Variants in ARF6 observed in about 807,000 individuals in gnomAD.
ARF6 encodes the protein ARF GTPase 6.
For synonymous variants in ARF6, 127 were observed against 95.5 expected (o/e 1.33, Z -1.92); for missense variants, 75 against 232.0 (o/e 0.32, Z 4.40).
chr14:49,893,565 C>A lies in ARF6; in HGVS notation c.-172C>A. 5.4e-6 allele frequency: 4 copies of A among 734,688 alleles called. No homozygotes were observed. Among genetic ancestry groups the A allele is most frequent in the South Asian group, 3.8e-5 (2 of 52,936 alleles). The allele number at this position is 734,688 out of a possible 1,614,324, so 45.5% of individuals were successfully genotyped here. On this transcript the variant is annotated 5_prime_UTR_variant, in exon 2 of 2. Transcript: ENST00000298316. ...AAATCAAGTTGTGCGGTCGGTGATGCCCGAGTGAGCGGGGGGCCTGGGCCT... is the reference window on the plus strand; with the variant it reads ...AAATCAAGTTGTGCGGTCGGTGATGACCGAGTGAGCGGGGGGCCTGGGCCT...
In ARF6 at chr14:49,894,293, G is replaced by C; in HGVS notation, c.*29G>C. ...GCATTCTCCACCCATCCCCTGGAAGGAGAGAAATCAAAAACCCATTCATAG... is the reference window on the plus strand; with the variant it reads ...GCATTCTCCACCCATCCCCTGGAAGCAGAGAAATCAAAAACCCATTCATAG... On this transcript the variant is annotated 3_prime_UTR_variant, in exon 2 of 2. Coordinates refer to ENST00000298316, the MANE Select transcript of ARF6 (RefSeq NM_001663.4). 1 of 1,562,276 alleles carries C rather than the reference G, an allele frequency of 6.4e-7. No homozygotes were observed. The highest frequency in any genetic ancestry group is 8.7e-7 in the Non-Finnish European group (1 of 1,151,368).
In ARF6 at chr14:49,893,391, C is replaced by T. The variant is rs886674598; in HGVS notation, c.-346C>T. 6 of 191,896 alleles carry T rather than the reference C, an allele frequency of 3.1e-5. No homozygotes were observed. The highest frequency in any genetic ancestry group is 4.2e-5 in the Non-Finnish European group (4 of 96,110). The allele number at this position is 191,896 out of a possible 1,614,324, so 11.9% of individuals were successfully genotyped here. A position where few individuals can be genotyped will look rare whatever the true frequency, so the allele number is the denominator to read the frequency against. On this transcript the variant is annotated 5_prime_UTR_variant, in exon 2 of 2. Transcript: ENST00000298316. ...CGGGCCGGAGGGCTGCAGTCTCCCT[C>T]GCGGTGAGAGGAAGGCGGAGGAGCG... is the stretch of plus-strand genomic sequence containing the variant.
In ARF6 at chr14:49,894,265, T is replaced by A; in HGVS notation, c.*1T>A. On this transcript the variant is annotated 3_prime_UTR_variant, in exon 2 of 2. Coordinates refer to ENST00000298316, the MANE Select transcript of ARF6 (RefSeq NM_001663.4). ...GTTAACCTCTAACTACAAATCTTAA[T>A]GAGCATTCTCCACCCATCCCCTGGA... The A allele has an allele frequency of 6.2e-7, 1 of 1,602,566 alleles. No individual in the cohort carries two copies. The highest frequency in any genetic ancestry group is 1.1e-5 in the South Asian group (1 of 90,786).
At position 49,894,273 on chromosome 14, in the gene ARF6, C is replaced by T. The variant is rs373061714; in HGVS notation, c.*9C>T. On this transcript the variant is annotated 3_prime_UTR_variant, in exon 2 of 2. Coordinates refer to ENST00000298316, the MANE Select transcript of ARF6 (RefSeq NM_001663.4). ...CTAACTACAAATCTTAATGAGCATTCTCCACCCATCCCCTGGAAGGAGAGA... is the reference window on the plus strand; with the variant it reads ...CTAACTACAAATCTTAATGAGCATTTTCCACCCATCCCCTGGAAGGAGAGA... 5.1e-5 allele frequency: 82 copies of T among 1,595,708 alleles called. No homozygotes were observed. The African/African-American group carries it at 9.1e-4, about 18-fold the overall frequency.
rs1303323588 is a variant in ARF6 at position 49,894,476 on chromosome 14, G to A, written c.*212G>A. The A allele has an allele frequency of 3.2e-6, 1 of 309,416 alleles. No individual in the cohort carries two copies. The highest frequency in any genetic ancestry group is 5.4e-6 in the Non-Finnish European group (1 of 186,798). The allele number at this position is 309,416 out of a possible 1,614,324, so 19.2% of individuals were successfully genotyped here. Reference sequence around the variant, plus strand: ...TCCTTTTTTTTTTTTTTTTTTTTTTGTTGGCTTTGCGTTAGGATGCTCTGA... The same window carrying A: ...TCCTTTTTTTTTTTTTTTTTTTTTTATTGGCTTTGCGTTAGGATGCTCTGA... On this transcript the variant is annotated 3_prime_UTR_variant, in exon 2 of 2. Transcript: ENST00000298316.
Position 49,893,103 on chromosome 14 carries a change from C to CTGGGAGGAGGAG in ARF6, c.-534_-523dup, listed in dbSNP as rs1894468291. The CTGGGAGGAGGAG allele has an allele frequency of 6.5e-6, 1 of 153,088 alleles. No individual in the cohort carries two copies. Among genetic ancestry groups the CTGGGAGGAGGAG allele is most frequent in the South Asian group, 2.1e-4 (1 of 4,878 alleles). The allele number at this position is 153,088 out of a possible 1,614,324, so 9.5% of individuals were successfully genotyped here. On this transcript the variant is annotated 5_prime_UTR_variant, in exon 1 of 2. Transcript: ENST00000298316. ...TTTTCCGGCAGCGGCGGCGGCAGAA[C>CTGGGAGGAGGAG]TGGGAGGAGGAGTTGGAGGCCGGAG... is the stretch of plus-strand genomic sequence containing the variant.
rs1203017260 is a variant in ARF6, at chr14:49,893,742, G to A, written c.6G>A (p.Gly2=). Reference sequence around the variant, plus strand: ...GCCCCGGCTCCTCCGACGCGATGGGGAAGGTGCTATCCAAAATCTTCGGGA... The same window carrying A: ...GCCCCGGCTCCTCCGACGCGATGGGAAAGGTGCTATCCAAAATCTTCGGGA... M[G]KVLSKIFGNK... The change falls in exon 2 of 2, where the codon GGG becomes GGA. Residue 2 remains glycine (G), a synonymous_variant. Coordinates refer to ENST00000298316, the MANE Select transcript of ARF6 (RefSeq NM_001663.4). The A allele has an allele frequency of 1.2e-6, 2 of 1,611,774 alleles. No homozygotes were observed. The highest frequency in any genetic ancestry group is 3.3e-4 in the Middle Eastern group (2 of 6,046).
At position 49,894,343 on chromosome 14, in the gene ARF6, C is replaced by A. The variant is rs548311221; in HGVS notation, c.*79C>A. On this transcript the variant is annotated 3_prime_UTR_variant, in exon 2 of 2. Transcript: ENST00000298316. ...GGATTATCGCCACCATCACCTCTTT[C>A]AATTGCCACTTTCTCTTCTTTTGAA... 2.2e-6 allele frequency: 3 copies of A among 1,367,704 alleles called. No individual in the cohort carries two copies. The highest frequency in any genetic ancestry group is 3.0e-6 in the Non-Finnish European group (3 of 1,016,170). The allele number at this position is 1,367,704 out of a possible 1,614,324, so 84.7% of individuals were successfully genotyped here.
chr14:49,893,717 G>C lies in ARF6; in HGVS notation c.-20G>C, dbSNP rs1280607927. 1.2e-5 allele frequency: 20 copies of C among 1,604,402 alleles called. No homozygotes were observed. The highest frequency in any genetic ancestry group is 2.7e-5 in the African/African-American group (2 of 74,774). On this transcript the variant is annotated 5_prime_UTR_variant, in exon 2 of 2. Coordinates refer to ENST00000298316, the MANE Select transcript of ARF6 (RefSeq NM_001663.4). ...GACCCGGGACACCTGAATGCCCCCG[G>C]CCCCGGCTCCTCCGACGCGATGGGG...
rs1261685973 is a variant in ARF6, at chr14:49,895,105, A to AAGTT, written c.*844_*847dup. The AAGTT allele has an allele frequency of 6.0e-6, 1 of 167,056 alleles. No individual in the cohort carries two copies. The highest frequency in any genetic ancestry group is 1.5e-5 in the Non-Finnish European group (1 of 68,126). 10.3% of individuals were successfully genotyped at this position (167,056 alleles called of 1,614,324 possible). Reference sequence around the variant, plus strand: ...AAGGACACTTTTTCTTTCCACTGCAAAGTTAGCCACTTTGCTGTTTTTCCT... The same window carrying AAGTT: ...AAGGACACTTTTTCTTTCCACTGCAAAGTTAGTTAGCCACTTTGCTGTTTTTCCT... On this transcript the variant is annotated 3_prime_UTR_variant, in exon 2 of 2. Coordinates refer to ENST00000298316, the MANE Select transcript of ARF6 (RefSeq NM_001663.4).
At position 49,894,315 on chromosome 14, in the gene ARF6, A is replaced by C. The variant is rs774416954; in HGVS notation, c.*51A>C. On this transcript the variant is annotated 3_prime_UTR_variant, in exon 2 of 2. Transcript: ENST00000298316. ...AAGGAGAGAAATCAAAAACCCATTC[A>C]TAGGATTATCGCCACCATCACCTCT... is the stretch of plus-strand genomic sequence containing the variant. 2.0e-4 allele frequency: 299 copies of C among 1,506,568 alleles called. No individual in the cohort carries two copies. The highest frequency in any genetic ancestry group is 2.6e-4 in the Non-Finnish European group (289 of 1,120,212). The allele number at this position is 1,506,568 out of a possible 1,614,324, so 93.3% of individuals were successfully genotyped here.
Position 49,894,810 on chromosome 14 carries a change from CT to C in ARF6, c.*548del, listed in dbSNP as rs1894500289. ...TTTTATATTTAAGGCCTTCCCCCCCCTTCCTTATGAGTTCTAACTTAGTAAT... is the reference window on the plus strand; with the variant it reads ...TTTTATATTTAAGGCCTTCCCCCCCCTCCTTATGAGTTCTAACTTAGTAAT... On this transcript the variant is annotated 3_prime_UTR_variant, in exon 2 of 2. Coordinates refer to ENST00000298316, the MANE Select transcript of ARF6 (RefSeq NM_001663.4). 1.8e-5 allele frequency: 3 copies of C among 167,476 alleles called. No homozygotes were observed. The highest frequency in any genetic ancestry group is 1.9e-4 in the East Asian group (1 of 5,208). The allele number at this position is 167,476 out of a possible 1,614,324, so 10.4% of individuals were successfully genotyped here.
In ARF6 at chr14:49,893,904, T is replaced by C. The variant is rs1330661464; in HGVS notation, c.168T>C (p.Asn56=). 12 of 1,614,024 alleles carry C rather than the reference T, an allele frequency of 7.4e-6. No individual in the cohort carries two copies. The highest frequency in any genetic ancestry group is 1.7e-5 in the Admixed American group (1 of 60,006). ...ACGTGGAGACGGTGACTTACAAAAA[T>C]GTCAAGTTCAACGTATGGGATGTGG... The part of the protein sequence containing the change: ...GFNVETVTYK[N]VKFNVWDVGG... The change falls in exon 2 of 2, where the codon AAT becomes AAC. Residue 56 remains asparagine (N), a synonymous_variant. Transcript: ENST00000298316.
chr14:49,896,804 G>A lies in ARF6; in HGVS notation c.*2540G>A, dbSNP rs762126683. 95 of 167,026 alleles carry A rather than the reference G, an allele frequency of 5.7e-4. No homozygotes were observed. Among genetic ancestry groups the A allele is most frequent in the Non-Finnish European group, 3.1e-4 (21 of 68,088 alleles). The allele number at this position is 167,026 out of a possible 1,614,324, so 10.3% of individuals were successfully genotyped here. ...TGACTGGAGCAGGTAATTATAGCCT[G>A]CAGAAAAAATTATCTAAGAATTTTA... On this transcript the variant is annotated 3_prime_UTR_variant, in exon 2 of 2. Coordinates refer to ENST00000298316, the MANE Select transcript of ARF6 (RefSeq NM_001663.4).
Position 49,893,687 on chromosome 14 carries a change from G to A in ARF6, c.-50G>A. The A allele has an allele frequency of 6.3e-7, 1 of 1,580,882 alleles. No homozygotes were observed. Among genetic ancestry groups the A allele is most frequent in the Non-Finnish European group, 8.6e-7 (1 of 1,161,050 alleles). Reference sequence around the variant, plus strand: ...CGCGGCGGCGGCGGCGTTGTTGGCTGAGGGGACCCGGGACACCTGAATGCC... The same window carrying A: ...CGCGGCGGCGGCGGCGTTGTTGGCTAAGGGGACCCGGGACACCTGAATGCC... On this transcript the variant is annotated 5_prime_UTR_variant, in exon 2 of 2. Transcript: ENST00000298316.
intron 1 of ARF6, 40 bp downstream of exon 1, chr14:49,893,197 G>C (rs1894470724): frequency 6.6e-6 from 1 of 152,434 alleles, no homozygotes; most frequent in Admixed American, 6.5e-5. Flanking sequence ...GGCCACCTCG[G>C]TCTTCGCTCC....
rs1894479112 is a variant in ARF6 at position 49,893,593 on chromosome 14, G to T, written c.-144G>T. The stretch of plus-strand genomic sequence containing the variant: ...GAGTGAGCGGGGGGCCTGGGCCTCT[G>T]CCCTTAGGAGGCAACTCCCACGCAG... On this transcript the variant is annotated 5_prime_UTR_variant, in exon 2 of 2. Transcript: ENST00000298316. 5 of 988,346 alleles carry T rather than the reference G, an allele frequency of 5.1e-6. No individual in the cohort carries two copies. In the East Asian group the frequency reaches 7.5e-5, roughly 15 times the overall value. 61.2% of individuals were successfully genotyped at this position (988,346 alleles called of 1,614,324 possible).
In ARF6 at chr14:49,894,427, CTT is replaced by C. The variant is rs1241879179; in HGVS notation, c.*166_*167del. On this transcript the variant is annotated 3_prime_UTR_variant, in exon 2 of 2. Transcript: ENST00000298316. ...CGGGGACGGGGCTTGGGGGTTTTCT[CTT>C]TTGTTTGTTTCCCTTTCTTTTTCCT... 1.7e-5 allele frequency: 8 copies of C among 466,602 alleles called. No individual in the cohort carries two copies. The highest frequency in any genetic ancestry group is 2.5e-5 in the Non-Finnish European group (7 of 278,256). The allele number at this position is 466,602 out of a possible 1,614,324, so 28.9% of individuals were successfully genotyped here. A position where few individuals can be genotyped will look rare whatever the true frequency, so the allele number is the denominator to read the frequency against.
At position 49,894,599 on chromosome 14, in the gene ARF6, T is replaced by C. The variant is rs1894496858; in HGVS notation, c.*335T>C. 4.5e-6 allele frequency: 1 copy of C among 224,244 alleles called. No individual in the cohort carries two copies. The highest frequency in any genetic ancestry group is 5.3e-5 in the Admixed American group (1 of 18,722). The allele number at this position is 224,244 out of a possible 1,614,324, so 13.9% of individuals were successfully genotyped here. ...CAGCAGTTCTTGGTAAAGTCCTTTG[T>C]AATAATAGTTTGATTTTTTTATTTC... On this transcript the variant is annotated 3_prime_UTR_variant, in exon 2 of 2. Transcript: ENST00000298316.
Sources: gnomAD v4.1 joint callset for allele counts on GRCh38, gnomAD v4.1.1 for gene constraint, MANE v1.5 for transcripts, NCBI Gene and HGNC (gene_info 2026-07-23, HGNC 2026-07-21) for gene names.